The following TOM1L1 variants were observed in gnomAD, a reference collection of about 807,000 sequenced individuals.
The protein encoded by TOM1L1 is TOM1-like protein 1.
TOM1L1 carries 64 observed loss-of-function variants against 63.4 expected under a neutral mutation model. The observed-to-expected ratio is 1.01, with a 90% CI of 0.83 to 1.24. The LOEUF (loss-of-function observed/expected upper bound fraction) is 1.24. Ranked by LOEUF, TOM1L1 falls within the 50% of genes most tolerant of loss-of-function variation. The pLI, the probability that TOM1L1 is intolerant of heterozygous loss-of-function variation, is 0.00. For synonymous variants in TOM1L1, 166 were observed against 194.4 expected (o/e 0.85, Z 1.22); for missense variants, 536 against 567.0 (o/e 0.95, Z 0.55).
intron 14 of TOM1L1, among the ~76,000 whole-genome samples, chr17:54,956,044 A>C (rs536235999): frequency 6.6e-6 from 1 of 152,324 alleles, no homozygotes; most frequent in South Asian, 2.1e-4. Flanking sequence ...AGGTCAAGTC[A>C]GGGCTCAACC....
chr17:54,940,630 CT>C (rs1208153364), intron 11 of TOM1L1, among the ~76,000 whole-genome samples: 25 of 152,004 alleles, frequency 1.6e-4, no homozygotes, highest in Non-Finnish European at 2.6e-4. Context: ...TACTGTCTAG[CT>C]GGGGGATAAA....
chr17:54,904,194 C>T (rs558413552), intron 2 of TOM1L1, among the ~76,000 whole-genome samples: 6 of 152,018 alleles, frequency 3.9e-5, no homozygotes, highest in Middle Eastern at 6.8e-3. Context: ...GTTGAAACCC[C>T]ATCTCTACTA....
chr17:54,941,041 C>T (rs1429686026), intron 11 of TOM1L1, among the ~76,000 whole-genome samples: 1 of 152,150 alleles, frequency 6.6e-6, no homozygotes, highest in Non-Finnish European at 1.5e-5. Flanking sequence ...CCTAGTGTCA[C>T]GCTCTACTCC....
chr17:54,912,647 A>C lies in TOM1L1; in HGVS notation c.223-19A>C. The C allele has an allele frequency of 6.6e-7, 1 of 1,505,304 alleles. No homozygotes were observed. Among genetic ancestry groups the C allele is most frequent in the Non-Finnish European group, 8.8e-7 (1 of 1,131,526 alleles). 93.2% of individuals were successfully genotyped at this position (1,505,304 alleles called of 1,614,324 possible). On this transcript the variant is annotated intron_variant, in intron 3 of 15. Transcript: ENST00000575882. Reference sequence around the variant, plus strand: ...GTTTTGCCAGATAAATATAATGTTTAATTTTTTTTCTAATTTAGCTTATTG... The same window carrying C: ...GTTTTGCCAGATAAATATAATGTTTCATTTTTTTTCTAATTTAGCTTATTG...
chr17:54,922,224 C>T (rs767624199), intron 7 of TOM1L1, among the ~76,000 whole-genome samples: 4 of 151,728 alleles, frequency 2.6e-5, no homozygotes, highest in African/African-American at 4.8e-5. Context: ...ACCCAGGAGG[C>T]GGAGCTTGCA....
intron 14 of TOM1L1, chr17:54,954,269 CAT>C (rs2049379759): frequency 6.6e-6 from 1 of 152,182 alleles, no homozygotes; most frequent in South Asian, 2.1e-4. Context: ...GAATATTCTC[CAT>C]ATGAGAGTTA....
chr17:54,950,145 GATTA>G lies in TOM1L1; in HGVS notation c.1370+23_1370+26del. The G allele has an allele frequency of 6.3e-7, 1 of 1,587,532 alleles. No homozygotes were observed. Among genetic ancestry groups the G allele is most frequent in the Middle Eastern group, 1.7e-4 (1 of 5,982 alleles). ...CTACAGAGTAAGTCATTTACAAAAT[GATTA>G]ATTTATTTTTTGTCTTGGTTCCCTT... On this transcript the variant is annotated intron_variant, in intron 14 of 15. Coordinates refer to ENST00000575882, the MANE Select transcript of TOM1L1 (RefSeq NM_005486.3).
intron 14 of TOM1L1, among the ~76,000 whole-genome samples, chr17:54,950,352 T>C (rs2049198942): frequency 6.6e-6 from 1 of 152,200 alleles, no homozygotes; most frequent in Non-Finnish European, 1.5e-5. Flanking sequence ...TGTTAAGAAA[T>C]AACTGGAACT....
At chr17:54,938,555 A>C (rs1356110248) in intron 10 of TOM1L1, 1 of 162,340 alleles carries the variant, frequency 6.2e-6, no homozygotes, top group Non-Finnish European at 1.3e-5. Flanking sequence ...AGAGCTCAGT[A>C]TGTACTGTAA....
At chr17:54,916,741 A>T (rs772010942) in intron 7 of TOM1L1, 3 of 152,184 alleles carry the variant, frequency 2.0e-5, no homozygotes, top group Non-Finnish European at 2.9e-5. Context: ...AAACAAAAAA[A>T]TTGTAAAAAT....
intron 14 of TOM1L1, among the ~76,000 whole-genome samples, chr17:54,958,748 A>AAAAAAAAAGG (rs372776781): frequency 5.0e-5 from 6 of 118,956 alleles, no homozygotes; most frequent in South Asian, 2.6e-4. Context: ...AAAAAAAAAA[A>AAAAAAAAAGG]GGGGTTGTTG....
At chr17:54,948,980 T>C (rs539145329) in intron 12 of TOM1L1, among the ~76,000 whole-genome samples, 13 of 152,336 alleles carry the variant, frequency 8.5e-5, no homozygotes, top group Middle Eastern at 6.8e-3. Flanking sequence ...GGTTTTTTTT[T>C]CACAGTTTCT....
chr17:54,943,252 T>G (rs528184695), intron 11 of TOM1L1, among the ~76,000 whole-genome samples: 25 of 152,196 alleles, frequency 1.6e-4, no homozygotes, highest in Non-Finnish European at 3.5e-4. Flanking sequence ...TCTCATAATC[T>G]CTTTTAATTG....
Position 54,915,789 on chromosome 17 carries a change from T to C in TOM1L1, c.647T>C (p.Val216Ala). ...GAATTGGATATGGTGAAAATGAATG[T>C]GCGAGTGATGTCCGCCATATTGATG... is the stretch of plus-strand genomic sequence containing the variant. ...HSELDMVKMNVRVMSAILMEN... is the reference protein window; with the variant it reads ...HSELDMVKMNARVMSAILMEN... Residue 216 changes from valine (V) to alanine (A), a missense_variant, in exon 7 of 16, where the codon GTG (valine) becomes GCG (alanine). Val to Ala is a moderately conservative substitution (Grantham distance 64). Coordinates refer to ENST00000575882, the MANE Select transcript of TOM1L1 (RefSeq NM_005486.3). The C allele has an allele frequency of 6.2e-7, 1 of 1,613,216 alleles. No homozygotes were observed. The highest frequency in any genetic ancestry group is 8.5e-7 in the Non-Finnish European group (1 of 1,179,658).
chr17:54,910,238 T>G (rs2048475925), intron 3 of TOM1L1, among the ~76,000 whole-genome samples: 1 of 152,142 alleles, frequency 6.6e-6, no homozygotes, highest in African/African-American at 2.4e-5. Context: ...GATGGATCAC[T>G]TGAGGCTAGG....
chr17:54,910,440 A>G (rs1454227869), intron 3 of TOM1L1, among the ~76,000 whole-genome samples: 1 of 152,206 alleles, frequency 6.6e-6, no homozygotes, highest in Non-Finnish European at 1.5e-5. Flanking sequence ...TAGGTGACAG[A>G]GTGAGACCCT....
intron 7 of TOM1L1, among the ~76,000 whole-genome samples, chr17:54,917,978 C>T (rs1257383774): frequency 6.6e-6 from 1 of 152,210 alleles, no homozygotes; most frequent in Non-Finnish European, 1.5e-5. Context: ...TCTCAGCTAT[C>T]TGGTCTCAAA....
intron 2 of TOM1L1, among the ~76,000 whole-genome samples, chr17:54,904,366 T>A (rs1385261028): frequency 8.4e-6 from 1 of 118,486 alleles, no homozygotes. Flanking sequence ...CAAGACTCTA[T>A]CTCAAAAAAA....
chr17:54,961,743 A>T lies in TOM1L1; in HGVS notation c.*510A>T, dbSNP rs183704823. The T allele has an allele frequency of 1.5e-3, 1,539 of 1,016,684 alleles. 2 individuals carry two copies. Among genetic ancestry groups the T allele is most frequent in the Non-Finnish European group, 1.7e-3 (1,407 of 850,076 alleles). 63.0% of individuals were successfully genotyped at this position (1,016,684 alleles called of 1,614,324 possible). ...TCTGGTTTAGAATTATAAATTGTTA[A>T]AACCTTGATAATTGTCATTTAATTA... On this transcript the variant is annotated 3_prime_UTR_variant, in exon 16 of 16. Coordinates refer to ENST00000575882, the MANE Select transcript of TOM1L1 (RefSeq NM_005486.3).
Sources: allele counts gnomAD v4.1 joint callset (sites outside exome capture counted in the v4.1 genomes callset), GRCh38; gene constraint gnomAD v4.1.1; transcripts MANE v1.5; gene names NCBI Gene and HGNC (gene_info 2026-07-23, HGNC 2026-07-21).